Variants in SETD3 observed in about 807,000 individuals in gnomAD.
SETD3 encodes the protein actin-histidine N-methyltransferase.
In SETD3, 19 loss-of-function variants were observed where a neutral mutation model predicts 63.0. That is an observed-to-expected ratio of 0.30 (90% confidence interval 0.21 to 0.44). The LOEUF is 0.44. SETD3 is among the 20% of genes least tolerant of loss of function. The probability of loss-of-function intolerance (pLI) is 1.00; values close to 1 mark genes in which losing one functional copy is unlikely to be tolerated. For synonymous variants in SETD3, 286 were observed against 264.1 expected (o/e 1.08, Z -0.80); for missense variants, 587 against 728.5 (o/e 0.81, Z 2.24).
intron 3 of SETD3, among the ~76,000 whole-genome samples, chr14:99,462,325 G>A (rs755075293): frequency 6.6e-6 from 1 of 152,168 alleles, no homozygotes. Flanking sequence ...ATTCTGTTTG[G>A]ATGAATAAAA....
chr14:99,443,842 T>C (rs1320599714), intron 6 of SETD3, among the ~76,000 whole-genome samples: 2 of 152,168 alleles, frequency 1.3e-5, no homozygotes, highest in Non-Finnish European at 2.9e-5. Context: ...TCTAACTATA[T>C]AGTCTTCTCG....
intron 4 of SETD3, 98 bp downstream of exon 4, chr14:99,461,094 C>T: frequency 7.1e-7 from 1 of 1,410,756 alleles, no homozygotes; most frequent in Non-Finnish European, 9.7e-7. Context: ...AGAACTAGAA[C>T]TCCCCCACCA....
chr14:99,415,646 A>C (rs980225172), intron 6 of SETD3, among the ~76,000 whole-genome samples: 2 of 152,170 alleles, frequency 1.3e-5, no homozygotes, highest in Admixed American at 1.3e-4. Flanking sequence ...TGCATTCTTC[A>C]GATTTTGAAG....
At chr14:99,406,118 G>A (rs1891667357) in intron 9 of SETD3, among the ~76,000 whole-genome samples, 1 of 152,054 alleles carries the variant, frequency 6.6e-6, no homozygotes, top group South Asian at 2.1e-4. Flanking sequence ...AGATTCCCTT[G>A]CTTTTGCCCC....
intron 6 of SETD3, among the ~76,000 whole-genome samples, chr14:99,420,175 G>T (rs545556901): frequency 6.6e-6 from 1 of 151,938 alleles, no homozygotes; most frequent in African/African-American, 2.4e-5. Flanking sequence ...CCTTTCCCAC[G>T]CTGGCCTCAG....
chr14:99,459,901 G>A (rs763521378), intron 4 of SETD3, among the ~76,000 whole-genome samples: 4 of 152,158 alleles, frequency 2.6e-5, no homozygotes, highest in African/African-American at 4.8e-5. Context: ...TGAGATCTTG[G>A]ACATTCAGCC....
At chr14:99,454,308 G>A (rs557967412) in intron 6 of SETD3, among the ~76,000 whole-genome samples, 1 of 152,054 alleles carries the variant, frequency 6.6e-6, no homozygotes, top group African/African-American at 2.4e-5. Context: ...TCCCACTTCA[G>A]CCTCCCGAGT....
chr14:99,415,485 GA>G (rs1330945758), intron 6 of SETD3, among the ~76,000 whole-genome samples: 1 of 152,080 alleles, frequency 6.6e-6, no homozygotes, highest in East Asian at 1.9e-4. Flanking sequence ...AAACATGGGT[GA>G]TCTCCATCAA....
At position 99,457,328 on chromosome 14, in the gene SETD3, T is replaced by G. The variant is rs766113143; in HGVS notation, c.675+951A>C. 2.0e-5 allele frequency among the ~76,000 whole-genome samples: 3 copies of G among 152,380 alleles called. No individual in the cohort carries two copies. In the East Asian group the frequency reaches 5.8e-4, roughly 29 times the overall value. On this transcript the variant is annotated intron_variant, in intron 6 of 12. Coordinates refer to ENST00000331768, the MANE Select transcript of SETD3 (RefSeq NM_032233.3). ...TGTATAATTTTTGACATATTTGAAG[T>G]GCTTGCTGGAGGAGGAGATGTAACT... is the stretch of plus-strand genomic sequence containing the variant.
intron 4 of SETD3, among the ~76,000 whole-genome samples, 159 bp from the exon 5 acceptor site, chr14:99,459,344 T>C (rs1278990873): frequency 1.3e-5 from 2 of 152,220 alleles, no homozygotes; most frequent in African/African-American, 4.8e-5. Flanking sequence ...AATGTAAGCA[T>C]TTATCTTATA....
chr14:99,461,130 C>T, intron 4 of SETD3, 62 bp downstream of exon 4: 1 of 1,583,738 alleles, frequency 6.3e-7, no homozygotes, highest in Non-Finnish European at 8.6e-7. Flanking sequence ...ACCCTGCGCC[C>T]TCTACAGCAC....
At chr14:99,424,305 G>A (rs563408941) in intron 6 of SETD3, among the ~76,000 whole-genome samples, 1 of 152,278 alleles carries the variant, frequency 6.6e-6, no homozygotes, top group South Asian at 2.1e-4. Context: ...GGAATGGTAG[G>A]GTCAGAAAAG....
At chr14:99,444,965 G>A (rs1024130315) in intron 6 of SETD3, among the ~76,000 whole-genome samples, 3 of 152,190 alleles carry the variant, frequency 2.0e-5, no homozygotes, top group Non-Finnish European at 4.4e-5. Flanking sequence ...AAAAGGCCAT[G>A]ATGGTAAAAG....
chr14:99,421,814 G>A (rs1359413839), intron 6 of SETD3, among the ~76,000 whole-genome samples: 1 of 152,100 alleles, frequency 6.6e-6, no homozygotes, highest in African/African-American at 2.4e-5. Flanking sequence ...GATGAGGCTA[G>A]GCAACAATCC....
At chr14:99,400,721 C>T (rs1266429656) in intron 11 of SETD3, among the ~76,000 whole-genome samples, 1 of 152,186 alleles carries the variant, frequency 6.6e-6, no homozygotes, top group African/African-American at 2.4e-5. Context: ...AACTGTAAAT[C>T]TGATTGGCAC....
At chr14:99,408,536 G>C (rs1008475812) in intron 8 of SETD3, among the ~76,000 whole-genome samples, 16 of 152,160 alleles carry the variant, frequency 1.1e-4, no homozygotes, top group African/African-American at 3.6e-4. Context: ...ACAAACAGGA[G>C]GGAGGTTAGA....
chr14:99,483,290 T>A (rs1169620085), upstream of SETD3, among the ~76,000 whole-genome samples: 1 of 152,006 alleles, frequency 6.6e-6, no homozygotes, highest in Non-Finnish European at 1.5e-5. Context: ...GGCTCACGCT[T>A]ATAATACCAG....
chr14:99,398,583 G>T lies in SETD3; in HGVS notation c.*96C>A. 1 of 1,206,296 alleles carries T rather than the reference G, an allele frequency of 8.3e-7. No individual in the cohort carries two copies. The highest frequency in any genetic ancestry group is 1.2e-6 in the Non-Finnish European group (1 of 858,194). 74.7% of individuals were successfully genotyped at this position (1,206,296 alleles called of 1,614,324 possible). ...GCAGCAAAAACATATCTTCCTCTCT[G>T]CAGAAAGAAAAATGTTAACAAGGAA... On this transcript the variant is annotated 3_prime_UTR_variant, in exon 13 of 13. Transcript: ENST00000331768.
intron 6 of SETD3, among the ~76,000 whole-genome samples, chr14:99,428,023 C>G (rs934189957): frequency 9.9e-5 from 15 of 152,144 alleles, no homozygotes; most frequent in Admixed American, 7.2e-4. Context: ...GGAAGCTGAG[C>G]AGCTGGGGTT....
Sources: allele counts gnomAD v4.1 joint callset (sites outside exome capture counted in the v4.1 genomes callset), GRCh38; gene constraint gnomAD v4.1.1; transcripts MANE v1.5; gene names NCBI Gene and HGNC (gene_info 2026-07-23, HGNC 2026-07-21).